RGPD2: variants seen among roughly 807,000 people sequenced by gnomAD.
The protein encoded by RGPD2 is RANBP2-like and GRIP domain-containing protein 2.
Under a neutral mutation model 36.0 loss-of-function variants are expected in RGPD2, and 2 were observed. The observed-to-expected ratio is 0.06, with a 90% CI of 0.02 to 0.17. The LOEUF is 0.17. Among genes scored for constraint, RGPD2 ranks in the 10% least tolerant of loss-of-function variants. RGPD2 has a pLI of 1.00. For synonymous variants in RGPD2, 19 were observed against 163.8 expected (o/e 0.12, Z 6.75); for missense variants, 40 against 464.3 (o/e 0.09, Z 8.40).
the RGPD2 span, among the ~76,000 whole-genome samples, chr2:87,878,134 C>T: frequency 1.3e-5 from 2 of 152,256 alleles, no homozygotes; most frequent in Non-Finnish European, 2.9e-5. Context: ...CAACTTGGTT[C>T]TATTCTCCCT....
At chr2:87,987,934 A>C in the RGPD2 span, among the ~76,000 whole-genome samples, 3 of 126,536 alleles carry the variant, frequency 2.4e-5, no homozygotes, top group African/African-American at 5.8e-5. Context: ...TTGTTTTTAT[A>C]TATTTTGCTT....
At chr2:87,825,949 C>T, upstream of RGPD2, 1 of 550,268 alleles carries the variant, frequency 1.8e-6, no homozygotes, top group South Asian at 2.1e-5. Flanking sequence ...CTGAGGGTGT[C>T]TTGCCCGCCG....
chr2:87,984,486 A>C, the RGPD2 span, among the ~76,000 whole-genome samples: 1 of 151,020 alleles, frequency 6.6e-6, no homozygotes, highest in East Asian at 2.0e-4. Context: ...AAAATTTTTA[A>C]TGATAACGGG....
the RGPD2 span, among the ~76,000 whole-genome samples, chr2:87,988,543 T>TATATA: frequency 1.2e-3 from 34 of 27,822 alleles, no homozygotes; most frequent in African/African-American, 3.4e-3. Flanking sequence ...ATATATATAT[T>TATATA]TTTTTTTTTT....
chr2:87,977,634 G>A, the RGPD2 span, among the ~76,000 whole-genome samples: 1 of 147,654 alleles, frequency 6.8e-6, no homozygotes, highest in Admixed American at 6.7e-5. Context: ...GGCATACAGC[G>A]AGACTCTATT....
the RGPD2 span, among the ~76,000 whole-genome samples, chr2:87,974,449 A>G: frequency 6.6e-6 from 1 of 151,380 alleles, no homozygotes; most frequent in Non-Finnish European, 1.5e-5. Flanking sequence ...ACATCCTGTG[A>G]CCTATTTTTA....
At chr2:87,947,476 A>G in the RGPD2 span, among the ~76,000 whole-genome samples, 1 of 152,224 alleles carries the variant, frequency 6.6e-6, no homozygotes, top group Admixed American at 6.5e-5. Context: ...GATGGATAAT[A>G]TTGAAGATAT....
the RGPD2 span, among the ~76,000 whole-genome samples, chr2:87,897,706 A>G: frequency 6.6e-6 from 1 of 151,518 alleles, no homozygotes; most frequent in South Asian, 2.1e-4. Context: ...GCTCTCACTT[A>G]TAAGTGAGAA....
the RGPD2 span, among the ~76,000 whole-genome samples, chr2:87,841,215 A>G: frequency 6.6e-6 from 1 of 151,042 alleles, no homozygotes; most frequent in East Asian, 2.0e-4. Flanking sequence ...AGTATGTGGT[A>G]CATCCCCCCT....
At chr2:87,922,270 G>A in the RGPD2 span, among the ~76,000 whole-genome samples, 1 of 127,716 alleles carries the variant, frequency 7.8e-6, no homozygotes, top group Admixed American at 9.1e-5. Flanking sequence ...TCCAGCCTGG[G>A]CAACAGAGCT....
intron 22 of RGPD2, among the ~76,000 whole-genome samples, chr2:87,762,545 CAAAA>C (rs917863362): frequency 1.7e-5 from 2 of 120,118 alleles, no homozygotes; most frequent in Admixed American, 1.6e-4. Context: ...TCAAAACAAA[CAAAA>C]AAACCAAAAA....
intron 6 of RGPD2, among the ~76,000 whole-genome samples, chr2:87,807,358 T>G: frequency 6.9e-6 from 1 of 145,614 alleles, no homozygotes; most frequent in Admixed American, 6.7e-5. Flanking sequence ...TTTTACTATA[T>G]AGATCATTAC....
chr2:87,878,851 C>T, the RGPD2 span, among the ~76,000 whole-genome samples: 13,813 of 107,330 alleles, frequency 0.13, no homozygotes, highest in East Asian at 0.3. Context: ...TCTTTGTGGC[C>T]GGCTTATTTC....
At chr2:87,845,759 C>T in the RGPD2 span, among the ~76,000 whole-genome samples, 1 of 152,022 alleles carries the variant, frequency 6.6e-6, no homozygotes, top group Non-Finnish European at 1.5e-5. Flanking sequence ...GAAACTAGTG[C>T]TATATTTTTA....
chr2:87,958,710 C>T, the RGPD2 span, among the ~76,000 whole-genome samples: 1 of 152,204 alleles, frequency 6.6e-6, no homozygotes, highest in South Asian at 2.1e-4. Flanking sequence ...ACATATGTGA[C>T]TTTCAAACTC....
chr2:87,986,671 G>C, the RGPD2 span, among the ~76,000 whole-genome samples: 2 of 151,516 alleles, frequency 1.3e-5, no homozygotes, highest in Non-Finnish European at 2.9e-5. Context: ...CCTGAGGTCA[G>C]GAGTTCGAAA....
chr2:87,918,388 C>T, the RGPD2 span, among the ~76,000 whole-genome samples: 1 of 150,626 alleles, frequency 6.6e-6, no homozygotes, highest in Non-Finnish European at 1.5e-5. Flanking sequence ...GAAAACAAAC[C>T]ACGTAGTTTA....
At chr2:87,893,447 A>G in the RGPD2 span, among the ~76,000 whole-genome samples, 2 of 148,088 alleles carry the variant, frequency 1.4e-5, no homozygotes, top group East Asian at 3.9e-4. Context: ...ATTGTAGCTG[A>G]CAATGACTTT....
At chr2:87,986,810 G>A in the RGPD2 span, among the ~76,000 whole-genome samples, 2 of 151,010 alleles carry the variant, frequency 1.3e-5, no homozygotes, top group East Asian at 4.0e-4. Context: ...AACCCGGGAG[G>A]CAGAGGTTGC....
Sources: gnomAD v4.1 joint callset for allele counts (sites outside exome capture counted in the v4.1 genomes callset) on GRCh38, gnomAD v4.1.1 for gene constraint, MANE v1.5 for transcripts, NCBI Gene and HGNC (gene_info 2026-07-23, HGNC 2026-07-21) for gene names.